The following HACD3 variants were observed in gnomAD, a reference collection of about 807,000 sequenced individuals.
HACD3 encodes very-long-chain (3R)-3-hydroxyacyl-CoA dehydratase 3.
Under a neutral mutation model 55.2 loss-of-function variants are expected in HACD3, and 30 were observed. The observed-to-expected ratio is 0.54, with a 90% CI of 0.41 to 0.74. The LOEUF (loss-of-function observed/expected upper bound fraction) is 0.74, where lower values mean the gene tolerates loss of function less well. HACD3 is among the 30% of genes least tolerant of loss of function. The probability of loss-of-function intolerance (pLI) is 0.00; values close to 1 mark genes in which losing one functional copy is unlikely to be tolerated. For missense variants in HACD3, 363 were observed against 440.1 expected (o/e 0.82, Z 1.57); for synonymous variants, 141 against 151.7 (o/e 0.93, Z 0.52).
intron 1 of HACD3, 185 bp downstream of exon 1, chr15:65,530,903 G>T (rs927431342): frequency 1.7e-6 from 1 of 585,114 alleles, no homozygotes; most frequent in African/African-American, 2.0e-5. Context: ...CGGGCCGGGG[G>T]CACAACCCCC....
chr15:65,563,486 T>C (rs1480337821), intron 6 of HACD3, among the ~76,000 whole-genome samples: 1 of 152,120 alleles, frequency 6.6e-6, no homozygotes, highest in Non-Finnish European at 1.5e-5. Context: ...GAAAGATTAA[T>C]GGGAGAGGAT....
intron 1 of HACD3, among the ~76,000 whole-genome samples, chr15:65,548,428 C>G (rs547503073): frequency 1.3e-5 from 2 of 150,450 alleles, no homozygotes; most frequent in Non-Finnish European, 3.0e-5. Context: ...TGGGAGGATC[C>G]TTGAGCCTGG....
At chr15:65,549,304 C>G (rs1054960362) in intron 1 of HACD3, among the ~76,000 whole-genome samples, 1 of 151,704 alleles carries the variant, frequency 6.6e-6, no homozygotes, top group Admixed American at 6.6e-5. Context: ...AAGGTCAAAC[C>G]CAGCCTGGTG....
chr15:65,557,332 G>A (rs572663914), intron 4 of HACD3, among the ~76,000 whole-genome samples: 1 of 152,228 alleles, frequency 6.6e-6, no homozygotes, highest in South Asian at 2.1e-4. Context: ...AAAATTAGCC[G>A]GGCGTGGTGG....
chr15:65,570,447 A>C (rs2072336999), intron 8 of HACD3, among the ~76,000 whole-genome samples: 1 of 152,170 alleles, frequency 6.6e-6, no homozygotes, highest in African/African-American at 2.4e-5. Flanking sequence ...GAAAGGGAAG[A>C]CTCATCTTAC....
At chr15:65,564,544 CT>C in intron 7 of HACD3, 1 of 596,190 alleles carries the variant, frequency 1.7e-6, no homozygotes, top group Non-Finnish European at 2.7e-6. Context: ...AAAGGCACTT[CT>C]TACGTGGTGG....
rs2071887877 is a variant in HACD3 at position 65,530,698 on chromosome 15, G to C, written c.67G>C (p.Val23Leu). ...GCGACACCGCGAGCTATATCTGCGCGTGGAGCTGAGTGACGTACAGGTAAA... is the reference window on the plus strand; with the variant it reads ...GCGACACCGCGAGCTATATCTGCGCCTGGAGCTGAGTGACGTACAGGTAAA... ...AQRHRELYLR[V>L]ELSDVQNPAI... The change falls in exon 1 of 11, where the codon GTG (valine) becomes CTG (leucine). Residue 23 changes from valine (V) to leucine (L), a missense_variant. Val to Leu is a conservative substitution (Grantham distance 32). Transcript: ENST00000261875. The C allele has an allele frequency of 6.4e-7, 1 of 1,569,998 alleles. No homozygotes were observed. The highest frequency in any genetic ancestry group is 1.4e-5 in the African/African-American group (1 of 73,462).
At position 65,530,506 on chromosome 15, in the gene HACD3, T is replaced by A; in HGVS notation, c.-126T>A. 1.3e-6 allele frequency: 1 copy of A among 787,046 alleles called. No individual in the cohort carries two copies. The highest frequency in any genetic ancestry group is 1.9e-6 in the Non-Finnish European group (1 of 525,040). 48.8% of individuals were successfully genotyped at this position (787,046 alleles called of 1,614,324 possible). A position where few individuals can be genotyped will look rare whatever the true frequency, so the allele number is the denominator to read the frequency against. ...CCCGCGAGCGTGGGGTATCTCGAGG[T>A]GCCGGGTTGCAGGCGCTCAGGAGCG... On this transcript the variant is annotated 5_prime_UTR_variant, in exon 1 of 11. Transcript: ENST00000261875.
At chr15:65,546,079 C>T (rs1376059951) in intron 1 of HACD3, among the ~76,000 whole-genome samples, 1 of 152,208 alleles carries the variant, frequency 6.6e-6, no homozygotes, top group Non-Finnish European at 1.5e-5. Context: ...CAAATGACAA[C>T]CAGCAACAAT....
rs979060692 is a variant in HACD3, at chr15:65,551,796, T to A, written c.130+78T>A. On this transcript the variant is annotated intron_variant, in intron 2 of 10. Transcript: ENST00000261875. ...TGGTGGTTTCCCTTTTTTAAAAAAA[T>A]GTATTTGTCTTACTTGTTTTTTGCT... 3.9e-6 allele frequency: 6 copies of A among 1,530,294 alleles called. No individual in the cohort carries two copies. The South Asian group carries it at 4.6e-5, about 12-fold the overall frequency. The allele number at this position is 1,530,294 out of a possible 1,614,324, so 94.8% of individuals were successfully genotyped here.
intron 7 of HACD3, among the ~76,000 whole-genome samples, chr15:65,568,916 A>G (rs1175920353): frequency 6.6e-6 from 1 of 152,122 alleles, no homozygotes; most frequent in Non-Finnish European, 1.5e-5. Context: ...ATGTCTTGCC[A>G]CGTGAAAATG....
intron 1 of HACD3, among the ~76,000 whole-genome samples, chr15:65,550,326 A>T (rs1419576451): frequency 6.6e-6 from 1 of 152,146 alleles, no homozygotes; most frequent in Non-Finnish European, 1.5e-5. Flanking sequence ...GGCAGAGGTT[A>T]CAGTGAGCCG....
At chr15:65,575,967 G>A (rs545816760) in intron 10 of HACD3, among the ~76,000 whole-genome samples, 17 of 152,254 alleles carry the variant, frequency 1.1e-4, no homozygotes, top group Middle Eastern at 3.4e-3. Context: ...GGTGGTGGAC[G>A]CCTGTAATCC....
chr15:65,554,144 C>T (rs781297400), intron 2 of HACD3, among the ~76,000 whole-genome samples: 1 of 152,142 alleles, frequency 6.6e-6, no homozygotes, highest in Non-Finnish European at 1.5e-5. Context: ...TTCCATGTAC[C>T]CTGCAGTCAA....
intron 5 of HACD3, 75 bp from the exon 6 acceptor site, chr15:65,562,699 C>G: frequency 1.3e-6 from 2 of 1,541,044 alleles, no homozygotes; most frequent in Non-Finnish European, 8.8e-7. Context: ...TGAAGTCATC[C>G]AGATATGCCT....
chr15:65,564,479 A>G, intron 7 of HACD3, 137 bp downstream of exon 7: 4 of 1,125,720 alleles, frequency 3.6e-6, no homozygotes, highest in Non-Finnish European at 4.9e-6. Context: ...AAGAGGTTTA[A>G]TTGGACTTAC....
At chr15:65,549,020 C>T (rs926603707) in intron 1 of HACD3, among the ~76,000 whole-genome samples, 3 of 152,202 alleles carry the variant, frequency 2.0e-5, no homozygotes, top group Non-Finnish European at 4.4e-5. Context: ...TGGCACCGGG[C>T]CTGGCTGTTC....
intron 7 of HACD3, among the ~76,000 whole-genome samples, chr15:65,569,109 G>A (rs544054668): frequency 2.6e-5 from 4 of 152,082 alleles, no homozygotes; most frequent in South Asian, 4.2e-4. Context: ...TTAGCTGAGC[G>A]TGGTGGCGGG....
chr15:65,536,607 A>G (rs1181456729), intron 1 of HACD3, among the ~76,000 whole-genome samples: 1 of 152,080 alleles, frequency 6.6e-6, no homozygotes, highest in African/African-American at 2.4e-5. Flanking sequence ...ATATACAAAA[A>G]TTAGCTAGGT....
Sources: gnomAD v4.1 joint callset for allele counts (sites outside exome capture counted in the v4.1 genomes callset) on GRCh38, gnomAD v4.1.1 for gene constraint, MANE v1.5 for transcripts, NCBI Gene and HGNC (gene_info 2026-07-23, HGNC 2026-07-21) for gene names.